CA6: variants seen among roughly 807,000 people sequenced by gnomAD.
CA6 encodes the protein carbonate dehydratase VI.
In CA6, 28 loss-of-function variants were observed where a neutral mutation model predicts 35.9. The ratio of observed to expected loss-of-function variants is 0.78; its 90% CI spans 0.58 to 1.07. The LOEUF is 1.07. Among genes scored for constraint, CA6 ranks in the 50% least tolerant of loss-of-function variants. The pLI is 0.00. For missense variants in CA6, 377 were observed against 382.0 expected (o/e 0.99, Z 0.11); for synonymous variants, 148 against 152.6 (o/e 0.97, Z 0.22).
chr1:8,967,844 T>C (rs1184872071), intron 6 of CA6, 28 bp downstream of exon 6: 1 of 1,607,068 alleles, frequency 6.2e-7, no homozygotes, highest in African/African-American at 1.3e-5. Context: ...TTTGCCGAAG[T>C]CTTCCCATTC....
At chr1:8,949,976 T>C (rs1367520561) in intron 2 of CA6, among the ~76,000 whole-genome samples, 2 of 152,106 alleles carry the variant, frequency 1.3e-5, no homozygotes, top group South Asian at 4.1e-4. Flanking sequence ...TATGAGAAAC[T>C]GTAAATTTTG....
rs368870904 is a variant in CA6, at chr1:8,954,340, A to G, written c.260-2797A>G. Among the ~76,000 whole-genome samples, 10 of 152,082 alleles carry G rather than the reference A, an allele frequency of 6.6e-5. No homozygotes were observed. The East Asian group carries it at 1.9e-3, about 29-fold the overall frequency. ...CCACCATGCTCCATTAAGTTTTATA[A>G]TTTTAGTAAAGACGGGGTTTCGCCA... is the stretch of plus-strand genomic sequence containing the variant. On this transcript the variant is annotated intron_variant, in intron 2 of 7. Coordinates refer to ENST00000377443, the MANE Select transcript of CA6 (RefSeq NM_001215.4).
At chr1:8,956,991 C>T in intron 2 of CA6, 146 bp from the exon 3 acceptor site, 1 of 643,860 alleles carries the variant, frequency 1.6e-6, no homozygotes, top group Non-Finnish European at 2.5e-6. Flanking sequence ...TTTGGTGACC[C>T]TGCCCATGGC....
chr1:8,958,600 C>T (rs1402491593), intron 3 of CA6, among the ~76,000 whole-genome samples: 1 of 152,234 alleles, frequency 6.6e-6, no homozygotes, highest in Non-Finnish European at 1.5e-5. Context: ...CCAGGAGAAC[C>T]CACTGTCCTC....
intron 5 of CA6, 83 bp from the exon 6 acceptor site, chr1:8,967,576 C>T (rs1640000424): frequency 9.1e-7 from 1 of 1,104,878 alleles, no homozygotes; most frequent in African/African-American, 1.6e-5. Flanking sequence ...AGATTGGAAC[C>T]TGGCGAGGCC....
chr1:8,955,930 T>C (rs1454058843), intron 2 of CA6, among the ~76,000 whole-genome samples: 2 of 152,198 alleles, frequency 1.3e-5, no homozygotes, highest in East Asian at 1.9e-4. Flanking sequence ...TGACTTTAAA[T>C]AGGAAGATCT....
At chr1:8,965,052 T>A (rs1639934699) in intron 5 of CA6, among the ~76,000 whole-genome samples, 1 of 152,158 alleles carries the variant, frequency 6.6e-6, no homozygotes, top group African/African-American at 2.4e-5. Flanking sequence ...GAGACCAGTG[T>A]GGCCAACATG....
At chr1:8,955,278 A>C (rs1364843916) in intron 2 of CA6, among the ~76,000 whole-genome samples, 2 of 152,152 alleles carry the variant, frequency 1.3e-5, no homozygotes, top group African/African-American at 4.8e-5. Flanking sequence ...TGAGGGGCTG[A>C]GGCAGGAGGA....
intron 2 of CA6, among the ~76,000 whole-genome samples, chr1:8,950,816 C>T (rs930046743): frequency 5.3e-5 from 8 of 150,704 alleles, no homozygotes; most frequent in Middle Eastern, 3.4e-3. Flanking sequence ...TGTGGTGAGC[C>T]GAGATTACCA....
intron 1 of CA6, among the ~76,000 whole-genome samples, 198 bp downstream of exon 1, chr1:8,946,163 G>A (rs1354299001): frequency 6.6e-6 from 1 of 151,800 alleles, no homozygotes; most frequent in South Asian, 2.1e-4. Flanking sequence ...TTAGCCTCCC[G>A]AGTACCTGGG....
At chr1:8,956,344 T>A (rs576485068) in intron 2 of CA6, among the ~76,000 whole-genome samples, 1 of 152,252 alleles carries the variant, frequency 6.6e-6, no homozygotes, top group East Asian at 1.9e-4. Context: ...GTTTTTTTCT[T>A]TTTGTGTAGT....
chr1:8,967,580 C>T (rs1032840351), intron 5 of CA6, 79 bp from the exon 6 acceptor site: 20 of 1,169,462 alleles, frequency 1.7e-5, no homozygotes, highest in Middle Eastern at 2.1e-4. Context: ...TGGAACCTGG[C>T]GAGGCCTGGG....
chr1:8,951,676 C>T lies in CA6; in HGVS notation c.259+2234C>T, dbSNP rs544332656. ...GCAGCGGCTCCCGCCTCCCAATTTCCAGAGGACCCTGTACCTTCTTCCTTT... is the reference window on the plus strand; with the variant it reads ...GCAGCGGCTCCCGCCTCCCAATTTCTAGAGGACCCTGTACCTTCTTCCTTT... On this transcript the variant is annotated intron_variant, in intron 2 of 7. Coordinates refer to ENST00000377443, the MANE Select transcript of CA6 (RefSeq NM_001215.4). 9 of 764,988 alleles carry T rather than the reference C, an allele frequency of 1.2e-5. No individual in the cohort carries two copies. The East Asian group carries it at 1.9e-4, about 16-fold the overall frequency. 47.4% of individuals were successfully genotyped at this position (764,988 alleles called of 1,614,324 possible). A position where few individuals can be genotyped will look rare whatever the true frequency, so the allele number is the denominator to read the frequency against.
chr1:8,972,310 C>T (rs1173556671), intron 7 of CA6, among the ~76,000 whole-genome samples: 5 of 152,140 alleles, frequency 3.3e-5, no homozygotes, highest in African/African-American at 1.2e-4. Context: ...CTCAGCCTCC[C>T]AAAGTGCTGG....
chr1:8,973,186 A>AT (rs1346691149), intron 7 of CA6, among the ~76,000 whole-genome samples: 1 of 152,010 alleles, frequency 6.6e-6, no homozygotes, highest in Non-Finnish European at 1.5e-5. Flanking sequence ...CGCCAGGCTA[A>AT]TTTTTGTATT....
In CA6 at chr1:8,963,501, A is replaced by T. The variant is rs1184146396; in HGVS notation, c.571+845A>T. On this transcript the variant is annotated intron_variant, in intron 5 of 7. Coordinates refer to ENST00000377443, the MANE Select transcript of CA6 (RefSeq NM_001215.4). The surrounding 1 kb of genome is among the most constrained non-coding windows in gnomAD (Gnocchi z 4.1). ...TGGTTGGCTGGCAGCCAAACAGCTG[A>T]ATGCAACTGGACAGAAATCCATAGA... 6.6e-6 allele frequency among the ~76,000 whole-genome samples: 1 copy of T among 152,168 alleles called. No individual in the cohort carries two copies. The highest frequency in any genetic ancestry group is 1.5e-5 in the Non-Finnish European group (1 of 68,042).
chr1:8,973,703 T>TC (rs1640166263), intron 7 of CA6, among the ~76,000 whole-genome samples: 1 of 115,034 alleles, frequency 8.7e-6, no homozygotes, highest in African/African-American at 3.4e-5. Flanking sequence ...TGGATTTTTC[T>TC]TTCTCTCTCT....
intron 6 of CA6, 87 bp from the exon 7 acceptor site, chr1:8,970,780 C>A: frequency 1.5e-5 from 13 of 851,346 alleles, no homozygotes; most frequent in South Asian, 6.8e-5. Context: ...GGATTACAGG[C>A]GTGAGCCACT....
chr1:8,948,836 G>T (rs987383022), intron 1 of CA6, among the ~76,000 whole-genome samples: 1 of 151,930 alleles, frequency 6.6e-6, no homozygotes, highest in Non-Finnish European at 1.5e-5. Context: ...CAGGCGTGGT[G>T]GTGCATGCCT....
Sources: gnomAD v4.1 joint callset for allele counts (sites outside exome capture counted in the v4.1 genomes callset) on GRCh38, gnomAD v4.1.1 for gene constraint, Gnocchi (gnomAD v3.1) non-coding constraint, MANE v1.5 for transcripts, NCBI Gene and HGNC (gene_info 2026-07-23, HGNC 2026-07-21) for gene names.